PDE4A: variants seen among roughly 807,000 people sequenced by gnomAD.
PDE4A encodes 3',5'-cyclic-AMP phosphodiesterase 4A.
Under a neutral mutation model 73.9 loss-of-function variants are expected in PDE4A, and 21 were observed. The ratio of observed to expected loss-of-function variants is 0.28; its 90% CI spans 0.20 to 0.41. The LOEUF is 0.41. Ranked by LOEUF, PDE4A falls within the 10% of genes least tolerant of loss-of-function variation. The pLI is 1.00. For missense variants in PDE4A, 958 were observed against 1,211.4 expected (o/e 0.79, Z 3.10); for synonymous variants, 463 against 505.4 (o/e 0.92, Z 1.13).
chr19:10,467,753 T>G lies in PDE4A; in HGVS notation c.*132T>G. The G allele has an allele frequency of 1.6e-6, 1 of 643,266 alleles. No homozygotes were observed. Among genetic ancestry groups the G allele is most frequent in the Non-Finnish European group, 2.4e-6 (1 of 420,258 alleles). 39.8% of individuals were successfully genotyped at this position (643,266 alleles called of 1,614,324 possible). A position where few individuals can be genotyped will look rare whatever the true frequency, so the allele number is the denominator to read the frequency against. On this transcript the variant is annotated 3_prime_UTR_variant, in exon 15 of 15. Coordinates refer to ENST00000380702, the MANE Select transcript of PDE4A (RefSeq NM_001111307.2). ...AGAAAAAAGAAAACGAAAAGTGGGGTTTTTTTCTGTTTTCTTTTTTTCCCC... is the reference window on the plus strand; with the variant it reads ...AGAAAAAAGAAAACGAAAAGTGGGGGTTTTTTCTGTTTTCTTTTTTTCCCC...
chr19:10,463,694 C>G, intron 13 of PDE4A, 99 bp from the exon 14 acceptor site: 1 of 1,559,822 alleles, frequency 6.4e-7, no homozygotes, highest in Non-Finnish European at 8.7e-7. Context: ...AGCCACAGTG[C>G]CTGGCCCCCA....
At chr19:10,437,992 A>G (rs899591502) in intron 1 of PDE4A, among the ~76,000 whole-genome samples, 10 of 151,516 alleles carry the variant, frequency 6.6e-5, no homozygotes, top group African/African-American at 2.4e-4. Context: ...CATTTTTTGT[A>G]GAGATAGGGC....
Position 10,458,168 on chromosome 19 carries a change from G to T in PDE4A, c.1101+66G>T, listed in dbSNP as rs2043202738. The T allele has an allele frequency of 4.0e-6, 6 of 1,482,500 alleles. No homozygotes were observed. Among genetic ancestry groups the T allele is most frequent in the Non-Finnish European group, 5.6e-6 (6 of 1,067,636 alleles). 91.8% of individuals were successfully genotyped at this position (1,482,500 alleles called of 1,614,324 possible). On this transcript the variant is annotated intron_variant, in intron 8 of 14. Coordinates refer to ENST00000380702, the MANE Select transcript of PDE4A (RefSeq NM_001111307.2). The surrounding 1 kb of genome is among the most constrained non-coding windows in gnomAD (Gnocchi z 4.6). ...TCTCCTGGGACCCTGAGAAGGACTG[G>T]GCATTGGGTTATGTCTTAGGCCAGG...
At chr19:10,452,448 A>G (rs1422167405) in intron 6 of PDE4A, among the ~76,000 whole-genome samples, 1 of 151,812 alleles carries the variant, frequency 6.6e-6, no homozygotes, top group African/African-American at 2.4e-5. Context: ...CAAAAAAAAA[A>G]AAAGAAATGT....
intron 1 of PDE4A, among the ~76,000 whole-genome samples, chr19:10,445,168 C>T (rs1051645853): frequency 3.3e-5 from 5 of 152,134 alleles, no homozygotes; most frequent in African/African-American, 4.8e-5. Flanking sequence ...TTTCCAAGCT[C>T]GCCCTGGTGG....
intron 1 of PDE4A, 42 bp downstream of exon 1, chr19:10,421,126 C>T (rs1001776121): frequency 6.0e-6 from 8 of 1,344,192 alleles, no homozygotes; most frequent in Admixed American, 4.1e-5. Flanking sequence ...CGGATGGGCG[C>T]GCAGGGAGGA....
intron 1 of PDE4A, among the ~76,000 whole-genome samples, chr19:10,433,021 G>T (rs770159073): frequency 1.4e-4 from 21 of 152,188 alleles, no homozygotes; most frequent in Admixed American, 1.4e-3. Context: ...TGGGGGTGGG[G>T]AGGGGAGATT....
chr19:10,419,226 T>TGGGGG (rs372713857), upstream of PDE4A: 1 of 37,986 alleles, frequency 2.6e-5, no homozygotes, highest in African/African-American at 8.5e-5. Context: ...CTTATCGGCG[T>TGGGGG]GGGGGGGGGG....
chr19:10,455,944 TC>T (rs2043163311), intron 7 of PDE4A, among the ~76,000 whole-genome samples: 1 of 151,904 alleles, frequency 6.6e-6, no homozygotes, highest in African/African-American at 2.4e-5. Context: ...GTTCTGTGCT[TC>T]CGAGTCCACA....
chr19:10,464,004 C>G (rs2043323056), intron 14 of PDE4A, 29 bp downstream of exon 14: 9 of 1,613,138 alleles, frequency 5.6e-6, no homozygotes, highest in Non-Finnish European at 6.8e-6. Context: ...GATGGACGGG[C>G]ACAGGGTGAG....
chr19:10,461,111 G>A lies in PDE4A; in HGVS notation c.1465+8G>A. 1.2e-6 allele frequency: 2 copies of A among 1,606,110 alleles called. No homozygotes were observed. The highest frequency in any genetic ancestry group is 1.7e-6 in the Non-Finnish European group (2 of 1,173,682). ...AGTTCCTCATCAACACCAGTGAGTG[G>A]CCCTCGCCAGGGGCGGGGTTTGCTG... On this transcript the variant is annotated splice_region_variant and intron_variant, in intron 11 of 14. Transcript: ENST00000380702.
intron 1 of PDE4A, among the ~76,000 whole-genome samples, chr19:10,429,558 G>A (rs1395974415): frequency 1.3e-5 from 2 of 152,054 alleles, no homozygotes; most frequent in African/African-American, 4.8e-5. Context: ...GGCTGGTCTC[G>A]AACTCCTGGG....
At chr19:10,421,439 A>G (rs1435394885) in intron 1 of PDE4A, 3 of 648,058 alleles carry the variant, frequency 4.6e-6, no homozygotes, top group Non-Finnish European at 1.9e-6. Flanking sequence ...TGGGGGCACT[A>G]TACTGAGGGC....
At chr19:10,426,012 A>AAAAAAAG (rs58606489) in intron 1 of PDE4A, among the ~76,000 whole-genome samples, 6 of 140,618 alleles carry the variant, frequency 4.3e-5, no homozygotes, top group African/African-American at 1.7e-4. Flanking sequence ...AAAAAAAAAA[A>AAAAAAAG]AGGAAGGAGG....
At chr19:10,431,811 C>A (rs971651529) in intron 1 of PDE4A, among the ~76,000 whole-genome samples, 1 of 152,078 alleles carries the variant, frequency 6.6e-6, no homozygotes, top group Non-Finnish European at 1.5e-5. Context: ...GGGGCCAGGG[C>A]CTTTGGGAGC....
intron 1 of PDE4A, chr19:10,427,750 G>T (rs1022317205): frequency 1.0e-6 from 1 of 964,416 alleles, no homozygotes; most frequent in African/African-American, 1.8e-5. Context: ...AATGGGCCTA[G>T]TAAAAACCGT....
intron 7 of PDE4A, among the ~76,000 whole-genome samples, chr19:10,455,181 C>T (rs532818413): frequency 1.3e-5 from 2 of 152,238 alleles, no homozygotes; most frequent in Non-Finnish European, 2.9e-5. Flanking sequence ...AGCCTCCAAG[C>T]GCCGGGCGCG....
chr19:10,459,533 G>A (rs745929666), intron 9 of PDE4A, 35 bp downstream of exon 9: 2 of 1,611,490 alleles, frequency 1.2e-6, no homozygotes, highest in South Asian at 2.2e-5. Context: ...CCCGGGTGAG[G>A]GGCTCATAGC....
intron 14 of PDE4A, among the ~76,000 whole-genome samples, chr19:10,464,690 T>G (rs563557265): frequency 1.0e-4 from 15 of 149,730 alleles, no homozygotes; most frequent in African/African-American, 3.7e-4. Context: ...ATGGGGTGAG[T>G]CACCATACCC....
Sources: allele counts gnomAD v4.1 joint callset (sites outside exome capture counted in the v4.1 genomes callset), GRCh38; gene constraint gnomAD v4.1.1; non-coding constraint Gnocchi (gnomAD v3.1); transcripts MANE v1.5; gene names NCBI Gene and HGNC (gene_info 2026-07-23, HGNC 2026-07-21).